Variants in GRIN2B observed in about 807,000 individuals in gnomAD.
GRIN2B encodes glutamate receptor ionotropic, NMDA 2B.
Under a neutral mutation model 114.5 loss-of-function variants are expected in GRIN2B, and 5 were observed. That is an observed-to-expected ratio of 0.04 (90% CI 0.02 to 0.09). The LOEUF is 0.09. Among genes scored for constraint, GRIN2B ranks in the 10% least tolerant of loss-of-function variants. GRIN2B has a pLI of 1.00. For missense variants in GRIN2B, 1,108 were observed against 1,943.5 expected (o/e 0.57, Z 8.08); for synonymous variants, 787 against 745.1 (o/e 1.06, Z -0.92).
chr12:13,862,617 A>G (rs1262633592), intron 3 of GRIN2B, among the ~76,000 whole-genome samples: 1 of 152,056 alleles, frequency 6.6e-6, no homozygotes, highest in Admixed American at 6.6e-5. Flanking sequence ...TCCCCATTCT[A>G]TGTTTGTAAA....
intron 3 of GRIN2B, among the ~76,000 whole-genome samples, chr12:13,777,378 T>C (rs1251540739): frequency 3.9e-5 from 6 of 152,140 alleles, no homozygotes. Flanking sequence ...AGACCTCTTC[T>C]TTTCCATGTC....
At chr12:13,958,808 G>A (rs1476935854) in intron 2 of GRIN2B, among the ~76,000 whole-genome samples, 5 of 152,022 alleles carry the variant, frequency 3.3e-5, no homozygotes, top group Non-Finnish European at 7.4e-5. Context: ...ACAAAAAGAC[G>A]AGAAGGTTAT....
intron 10 of GRIN2B, among the ~76,000 whole-genome samples, chr12:13,607,905 A>C (rs1949306232): frequency 6.6e-6 from 1 of 152,124 alleles, no homozygotes; most frequent in African/African-American, 2.4e-5. Context: ...TCTCCCATGG[A>C]AAATGTGATG....
chr12:13,677,407 A>G (rs1181011802), intron 4 of GRIN2B, among the ~76,000 whole-genome samples: 2 of 152,214 alleles, frequency 1.3e-5, no homozygotes, highest in Admixed American at 6.6e-5. Context: ...CTTATGCAGC[A>G]TGAATCAAAC....
intron 2 of GRIN2B, among the ~76,000 whole-genome samples, chr12:13,974,207 A>G (rs1434350388): frequency 6.6e-6 from 1 of 152,150 alleles, no homozygotes; most frequent in African/African-American, 2.4e-5. Flanking sequence ...TTCCCTTTGG[A>G]CACAAACCAA....
Position 13,660,909 on chromosome 12 carries a change from C to T in GRIN2B, c.1125+14836G>A, listed in dbSNP as rs187968661. Among the ~76,000 whole-genome samples the T allele has an allele frequency of 1.9e-3, 293 of 152,292 alleles. 1 individual carries two copies. Among genetic ancestry groups the T allele is most frequent in the South Asian group, 3.9e-3 (19 of 4,820 alleles). ...CTTGACTCTGCTTTTCCTCCTCTCT[C>T]TCCACAGTTTAATCAGTATAGCATG... On this transcript the variant is annotated intron_variant, in intron 5 of 13. Coordinates refer to ENST00000609686, the MANE Select transcript of GRIN2B (RefSeq NM_000834.5).
chr12:13,560,729 A>G lies in GRIN2B; in HGVS notation c.*2054T>C, dbSNP rs1948532051. On this transcript the variant is annotated 3_prime_UTR_variant, in exon 14 of 14. Transcript: ENST00000609686. ...GGTTCAGCCCCTTGCCCCCATGTTCATTTTAGAAAGAAAACAAAGCTTTAC... is the reference window on the plus strand; with the variant it reads ...GGTTCAGCCCCTTGCCCCCATGTTCGTTTTAGAAAGAAAACAAAGCTTTAC... The G allele has an allele frequency of 1.3e-5, 2 of 152,244 alleles. No homozygotes were observed. Among genetic ancestry groups the G allele is most frequent in the African/African-American group, 4.8e-5 (2 of 41,470 alleles). The allele number at this position is 152,244 out of a possible 1,614,324, so 9.4% of individuals were successfully genotyped here.
intron 10 of GRIN2B, among the ~76,000 whole-genome samples, chr12:13,591,967 T>C (rs1949014854): frequency 6.6e-6 from 1 of 152,226 alleles, no homozygotes. Context: ...TTAATATTAT[T>C]AGCTTATGTT....
At chr12:13,825,004 G>A (rs933507423) in intron 3 of GRIN2B, among the ~76,000 whole-genome samples, 2 of 151,436 alleles carry the variant, frequency 1.3e-5, no homozygotes, top group African/African-American at 4.9e-5. Context: ...GATTCCTAAG[G>A]TAGAAGCTTC....
rs1259595411 is a variant in GRIN2B, at chr12:13,675,732, A to G, written c.1125+13T>C. The G allele has an allele frequency of 1.4e-6, 2 of 1,477,604 alleles. No individual in the cohort carries two copies. 91.5% of individuals were successfully genotyped at this position (1,477,604 alleles called of 1,614,324 possible). The stretch of plus-strand genomic sequence containing the variant: ...CTCTACTTTGCTCAAGAATTGTCAA[A>G]GACATGTCTTACCCTTTCCCACTTC... On this transcript the variant is annotated intron_variant, in intron 5 of 13. Coordinates refer to ENST00000609686, the MANE Select transcript of GRIN2B (RefSeq NM_000834.5).
intron 4 of GRIN2B, among the ~76,000 whole-genome samples, chr12:13,734,101 T>C (rs909141422): frequency 2.0e-5 from 3 of 152,242 alleles, no homozygotes; most frequent in African/African-American, 4.8e-5. Context: ...CTAGGGATGA[T>C]AATTTCCATT....
At chr12:13,696,111 G>T (rs183031104) in intron 4 of GRIN2B, among the ~76,000 whole-genome samples, 4 of 152,222 alleles carry the variant, frequency 2.6e-5, no homozygotes, top group African/African-American at 9.6e-5. Context: ...TATTAAAATT[G>T]GCAAAGGAAG....
chr12:13,772,891 G>A (rs1012847210), intron 3 of GRIN2B, among the ~76,000 whole-genome samples: 2 of 152,232 alleles, frequency 1.3e-5, no homozygotes, highest in Non-Finnish European at 2.9e-5. Context: ...TATAGCAAAT[G>A]TATTCTCATT....
At chr12:13,602,133 G>C (rs1254359635) in intron 10 of GRIN2B, among the ~76,000 whole-genome samples, 1 of 152,136 alleles carries the variant, frequency 6.6e-6, no homozygotes, top group Non-Finnish European at 1.5e-5. Flanking sequence ...CAAAAGGCAA[G>C]TGTCCTCCCC....
chr12:13,967,493 T>C (rs1565603957), intron 2 of GRIN2B, among the ~76,000 whole-genome samples: 1 of 152,240 alleles, frequency 6.6e-6, no homozygotes, highest in East Asian at 1.9e-4. Flanking sequence ...CAGATAAATT[T>C]ACATACCTCT....
chr12:13,884,077 C>T (rs1395436991), intron 2 of GRIN2B, among the ~76,000 whole-genome samples: 1 of 152,154 alleles, frequency 6.6e-6, no homozygotes, highest in Non-Finnish European at 1.5e-5. Context: ...CCTCCACCAC[C>T]TTGACACATT....
chr12:13,626,770 A>G (rs543207108), intron 5 of GRIN2B, among the ~76,000 whole-genome samples: 1 of 147,732 alleles, frequency 6.8e-6, no homozygotes, highest in East Asian at 2.0e-4. Flanking sequence ...TGAGCTACCA[A>G]CCAGCCATCC....
intron 3 of GRIN2B, among the ~76,000 whole-genome samples, chr12:13,864,000 T>A (rs1241169959): frequency 6.6e-6 from 1 of 152,218 alleles, no homozygotes; most frequent in Non-Finnish European, 1.5e-5. Context: ...CAATCATATT[T>A]GAAAAAAAGA....
At chr12:13,696,164 T>C (rs17761053) in intron 4 of GRIN2B, among the ~76,000 whole-genome samples, 14,783 of 152,166 alleles carry the variant, frequency 0.097, 880 homozygotes, top group Middle Eastern at 0.24. Flanking sequence ...GCCTGGAGCA[T>C]TAATGAAGAC....
Sources: allele counts gnomAD v4.1 joint callset (sites outside exome capture counted in the v4.1 genomes callset), GRCh38; gene constraint gnomAD v4.1.1; transcripts MANE v1.5; gene names NCBI Gene and HGNC (gene_info 2026-07-23, HGNC 2026-07-21).